NRXN1: variants seen among roughly 807,000 people sequenced by gnomAD.
NRXN1 encodes neurexin-1.
In NRXN1, 39 loss-of-function variants were observed where a neutral mutation model predicts 150.9. The ratio of observed to expected loss-of-function variants is 0.26; its 90% CI spans 0.20 to 0.34. NRXN1 has a LOEUF of 0.34. Ranked by LOEUF, NRXN1 falls within the 10% of genes least tolerant of loss-of-function variation. NRXN1 has a pLI of 1.00. For missense variants in NRXN1, 1,815 were observed against 1,949.9 expected, an observed-to-expected ratio of 0.93 and a Z score of 1.30; for synonymous variants, 924 against 757.0, an observed-to-expected ratio of 1.22 and a Z score of -3.62.
intron 17 of NRXN1, among the ~76,000 whole-genome samples, chr2:50,450,690 G>A (rs886765436): frequency 6.6e-6 from 1 of 152,130 alleles, no homozygotes; most frequent in Non-Finnish European, 1.5e-5. Flanking sequence ...AAAGTGAAAC[G>A]ATGCTTTCAC....
At chr2:51,021,254 A>T (rs1482680392) in intron 2 of NRXN1, among the ~76,000 whole-genome samples, 1 of 151,996 alleles carries the variant, frequency 6.6e-6, no homozygotes, top group East Asian at 1.9e-4. Flanking sequence ...TAGGTTTATT[A>T]ACCCTGTAAT....
intron 5 of NRXN1, among the ~76,000 whole-genome samples, chr2:50,733,498 T>C (rs528903445): frequency 2.6e-5 from 4 of 152,292 alleles, no homozygotes; most frequent in Admixed American, 2.0e-4. Flanking sequence ...GACCAATAAA[T>C]AATTTAGTTA....
intron 5 of NRXN1, among the ~76,000 whole-genome samples, chr2:50,671,583 A>G (rs528520075): frequency 6.6e-6 from 1 of 151,914 alleles, no homozygotes; most frequent in South Asian, 2.1e-4. Flanking sequence ...ATAACTAAAT[A>G]TATACTATTG....
chr2:50,810,294 T>C (rs920362728), intron 5 of NRXN1, among the ~76,000 whole-genome samples: 1 of 152,210 alleles, frequency 6.6e-6, no homozygotes, highest in African/African-American at 2.4e-5. Flanking sequence ...ATTGAAGGAC[T>C]GGCTTCAAAC....
At chr2:50,033,063 ATATGT>A (rs1202454061) in intron 21 of NRXN1, among the ~76,000 whole-genome samples, 11 of 151,744 alleles carry the variant, frequency 7.2e-5, no homozygotes, top group Non-Finnish European at 4.4e-5. Flanking sequence ...AAAATCTTAT[ATATGT>A]TATATTTGTC....
intron 18 of NRXN1, among the ~76,000 whole-genome samples, chr2:50,155,314 C>G (rs1026220498): frequency 6.6e-6 from 1 of 151,230 alleles, no homozygotes; most frequent in Non-Finnish European, 1.5e-5. Context: ...TGGGTAATGA[C>G]CAATAAGGAA....
chr2:50,169,452 T>C (rs1173206178), intron 18 of NRXN1, among the ~76,000 whole-genome samples: 1 of 151,880 alleles, frequency 6.6e-6, no homozygotes, highest in East Asian at 1.9e-4. Context: ...CAGTGGCTCA[T>C]GCTAGTAATC....
intron 5 of NRXN1, among the ~76,000 whole-genome samples, chr2:50,891,203 G>A (rs1406337242): frequency 6.6e-6 from 1 of 151,998 alleles, no homozygotes; most frequent in Non-Finnish European, 1.5e-5. Context: ...AAATGAAGAA[G>A]TAGGCCAAGT....
chr2:50,921,716 T>C (rs563616417), intron 5 of NRXN1, among the ~76,000 whole-genome samples, 153 bp downstream of exon 5: 30 of 151,896 alleles, frequency 2.0e-4, no homozygotes, highest in African/African-American at 7.0e-4. Context: ...TTGATGGATT[T>C]TTCTTATCTT....
At chr2:50,963,018 C>T (rs981741260) in intron 2 of NRXN1, among the ~76,000 whole-genome samples, 2 of 151,658 alleles carry the variant, frequency 1.3e-5, no homozygotes, top group African/African-American at 4.8e-5. Context: ...AGTTACTTTA[C>T]AACAGATTTT....
At chr2:50,323,200 C>A (rs536128413) in intron 17 of NRXN1, among the ~76,000 whole-genome samples, 2 of 152,264 alleles carry the variant, frequency 1.3e-5, no homozygotes, top group African/African-American at 4.8e-5. Context: ...AGCTCTAAAA[C>A]TTTAACATAC....
At chr2:50,557,305 T>G (rs1668398363) in intron 8 of NRXN1, among the ~76,000 whole-genome samples, 1 of 152,268 alleles carries the variant, frequency 6.6e-6, no homozygotes, top group Middle Eastern at 3.4e-3. Context: ...CATGCATGAT[T>G]AAGACTTTTC....
chr2:50,271,796 G>C (rs914496245), intron 17 of NRXN1, among the ~76,000 whole-genome samples: 14 of 151,944 alleles, frequency 9.2e-5, no homozygotes, highest in African/African-American at 3.4e-4. Context: ...TACAATAATG[G>C]TACTTTCCTT....
intron 18 of NRXN1, among the ~76,000 whole-genome samples, chr2:50,113,879 A>G (rs1573987029): frequency 6.6e-6 from 1 of 152,158 alleles, no homozygotes; most frequent in Non-Finnish European, 1.5e-5. Flanking sequence ...TAATCATTCA[A>G]TGGTCAGTTA....
intron 17 of NRXN1, among the ~76,000 whole-genome samples, chr2:50,451,231 AGTGCTGGTATTACAGGC>A (rs1480257548): frequency 2.0e-5 from 3 of 152,190 alleles, no homozygotes; most frequent in Non-Finnish European, 4.4e-5. Context: ...GGCCTCCTAA[AGTGCTGGTATTACAGGC>A]GTGAGTCACC....
At chr2:50,708,738 C>G (rs563082464) in intron 5 of NRXN1, among the ~76,000 whole-genome samples, 1 of 152,190 alleles carries the variant, frequency 6.6e-6, no homozygotes, top group African/African-American at 2.4e-5. Context: ...GGGATCTAGT[C>G]TGCTTCTCTC....
At chr2:50,864,003 G>A (rs1162875014) in intron 5 of NRXN1, among the ~76,000 whole-genome samples, 1 of 151,956 alleles carries the variant, frequency 6.6e-6, no homozygotes, top group African/African-American at 2.4e-5. Flanking sequence ...AGGACACCTG[G>A]ATAAGTCTTA....
chr2:50,552,294 G>A (rs1667651997), intron 9 of NRXN1, among the ~76,000 whole-genome samples: 1 of 151,952 alleles, frequency 6.6e-6, no homozygotes, highest in South Asian at 2.1e-4. Flanking sequence ...TTTTTCACTT[G>A]CAAATTCAAG....
chr2:50,243,656 G>C (rs2066237964), intron 17 of NRXN1, among the ~76,000 whole-genome samples: 1 of 151,738 alleles, frequency 6.6e-6, no homozygotes, highest in Non-Finnish European at 1.5e-5. Context: ...TTGCAAATCA[G>C]ACACTGTCAT....
Sources: gnomAD v4.1 joint callset for allele counts (sites outside exome capture counted in the v4.1 genomes callset) on GRCh38, gnomAD v4.1.1 for gene constraint, MANE v1.5 for transcripts, NCBI Gene and HGNC (gene_info 2026-07-23, HGNC 2026-07-21) for gene names.